The following WBP1L variants were observed in gnomAD, a reference collection of about 807,000 sequenced individuals.
WBP1L encodes WW domain binding protein 1-like.
WBP1L carries 17 observed loss-of-function variants against 33.7 expected under a neutral mutation model. The ratio of observed to expected loss-of-function variants is 0.50; its 90% CI spans 0.34 to 0.76. The LOEUF (loss-of-function observed/expected upper bound fraction) is 0.76, where lower values mean the gene tolerates loss of function less well. WBP1L is among the 30% of genes least tolerant of loss of function. The pLI, the probability that WBP1L is intolerant of heterozygous loss-of-function variation, is 0.01. For synonymous variants in WBP1L, 173 were observed against 190.8 expected, an observed-to-expected ratio of 0.91 and a Z score of 0.77; for missense variants, 389 against 469.4, an observed-to-expected ratio of 0.83 and a Z score of 1.58.
At chr10:102,749,871 G>A (rs952973302) in intron 1 of WBP1L, among the ~76,000 whole-genome samples, 10 of 151,426 alleles carry the variant, frequency 6.6e-5, no homozygotes, top group South Asian at 2.1e-4. Context: ...TCTGACTCCC[G>A]GGTTCAAGGG....
intron 1 of WBP1L, 94 bp downstream of exon 1, chr10:102,744,237 A>G: frequency 1.5e-6 from 2 of 1,355,204 alleles, no homozygotes; most frequent in East Asian, 2.8e-5. Flanking sequence ...CCAAGAGTTG[A>G]GGGGTCCCGA....
chr10:102,776,099 C>G, intron 1 of WBP1L: 1 of 1,298,462 alleles, frequency 7.7e-7, no homozygotes, highest in East Asian at 3.7e-5. Flanking sequence ...TTCTGCTGCG[C>G]CTGAACTGAT....
chr10:102,745,126 G>A (rs775520934), intron 1 of WBP1L, among the ~76,000 whole-genome samples: 1 of 152,162 alleles, frequency 6.6e-6, no homozygotes, highest in Non-Finnish European at 1.5e-5. Context: ...ACACATAGAC[G>A]CATAGCGTAG....
intron 2 of WBP1L, among the ~76,000 whole-genome samples, chr10:102,804,483 A>C (rs912383009): frequency 6.6e-6 from 1 of 151,834 alleles, no homozygotes; most frequent in African/African-American, 2.4e-5. Context: ...GATTCCTTTA[A>C]AAATCTGATG....
chr10:102,769,274 C>G (rs1843155164), intron 1 of WBP1L, among the ~76,000 whole-genome samples: 2 of 152,096 alleles, frequency 1.3e-5, no homozygotes, highest in Admixed American at 1.3e-4. Flanking sequence ...GTGTTCAGCT[C>G]TTGATAAAAT....
chr10:102,801,887 C>G (rs1843661065), intron 2 of WBP1L, among the ~76,000 whole-genome samples: 2 of 132,108 alleles, frequency 1.5e-5, no homozygotes, highest in Admixed American at 7.4e-5. Flanking sequence ...CTCCCTCCTC[C>G]TCTCTCCCCT....
At chr10:102,774,895 C>T (rs1843236685) in intron 1 of WBP1L, among the ~76,000 whole-genome samples, 1 of 152,072 alleles carries the variant, frequency 6.6e-6, no homozygotes, top group Non-Finnish European at 1.5e-5. Flanking sequence ...GGGCAGATCA[C>T]TTGAGCCCAG....
At chr10:102,797,598 G>T (rs571395374) in intron 1 of WBP1L, among the ~76,000 whole-genome samples, 2 of 152,132 alleles carry the variant, frequency 1.3e-5, no homozygotes, top group African/African-American at 2.4e-5. Flanking sequence ...TGTCGCCCAG[G>T]CTGGAGTGCA....
At chr10:102,750,744 G>A (rs1167706003) in intron 1 of WBP1L, among the ~76,000 whole-genome samples, 1 of 151,778 alleles carries the variant, frequency 6.6e-6, no homozygotes, top group Non-Finnish European at 1.5e-5. Flanking sequence ...CTTGTGATCC[G>A]CCCGCCTCAG....
chr10:102,807,131 G>T (rs1161210288), intron 2 of WBP1L, among the ~76,000 whole-genome samples: 11 of 152,018 alleles, frequency 7.2e-5, no homozygotes, highest in Non-Finnish European at 8.8e-5. Flanking sequence ...CATTTGGAAT[G>T]GAAAACAATG....
chr10:102,762,175 C>G (rs1022342971), intron 1 of WBP1L, among the ~76,000 whole-genome samples: 1 of 152,062 alleles, frequency 6.6e-6, no homozygotes, highest in East Asian at 1.9e-4. Flanking sequence ...TCGCACCACT[C>G]CAGCCTGGGT....
At chr10:102,752,201 G>A (rs1440641303) in intron 1 of WBP1L, among the ~76,000 whole-genome samples, 1 of 152,214 alleles carries the variant, frequency 6.6e-6, no homozygotes, top group African/African-American at 2.4e-5. Flanking sequence ...AGCCCCCCAC[G>A]ACAAAGACTT....
At chr10:102,750,555 T>C (rs1252101576) in intron 1 of WBP1L, among the ~76,000 whole-genome samples, 1 of 152,062 alleles carries the variant, frequency 6.6e-6, no homozygotes, top group Non-Finnish European at 1.5e-5. Context: ...AAACGGTGTC[T>C]TGCTCCGTCG....
intron 2 of WBP1L, among the ~76,000 whole-genome samples, chr10:102,800,658 C>T (rs1348464761): frequency 1.3e-5 from 2 of 152,206 alleles, no homozygotes; most frequent in Non-Finnish European, 2.9e-5. Flanking sequence ...GCAAAACGCC[C>T]TTCTCAGGAA....
In WBP1L at chr10:102,744,087, C is replaced by T; in HGVS notation, c.34C>T (p.Leu12Phe). 2 of 1,551,898 alleles carry T rather than the reference C, an allele frequency of 1.3e-6. No homozygotes were observed. The highest frequency in any genetic ancestry group is 1.2e-5 in the South Asian group (1 of 84,030). The change falls in exon 1 of 4, where the codon CTC becomes TTC. Residue 12 changes from leucine (L) to phenylalanine (F), a missense_variant. Physicochemically the swap from Leu to Phe is conservative, Grantham distance 22. Coordinates refer to ENST00000448841, the MANE Select transcript of WBP1L (RefSeq NM_001083913.2). ...ERRRLLGGMA[L>F]LLLQALPSPL... ...GAGAAGGCTCCTGGGTGGCATGGCGCTCCTGCTCCTCCAGGCGCTGCCCAG... is the reference window on the plus strand; with the variant it reads ...GAGAAGGCTCCTGGGTGGCATGGCGTTCCTGCTCCTCCAGGCGCTGCCCAG...
At chr10:102,809,400 C>T (rs948508520) in intron 2 of WBP1L, among the ~76,000 whole-genome samples, 43 of 149,228 alleles carry the variant, frequency 2.9e-4, no homozygotes, top group African/African-American at 9.9e-4. Context: ...GAGACAGAGT[C>T]TTGCTCTGTC....
intron 1 of WBP1L, among the ~76,000 whole-genome samples, chr10:102,760,684 T>C (rs1185036728): frequency 1.3e-5 from 2 of 152,038 alleles, no homozygotes; most frequent in African/African-American, 2.4e-5. Flanking sequence ...CGAGTCTTCC[T>C]TATTTCCATC....
intron 1 of WBP1L, among the ~76,000 whole-genome samples, chr10:102,765,907 T>G (rs1432805094): frequency 6.6e-6 from 1 of 152,198 alleles, no homozygotes; most frequent in Non-Finnish European, 1.5e-5. Flanking sequence ...AGCCTTTTTC[T>G]TGGGTCAGCC....
rs11362638 is a variant in WBP1L at position 102,773,864 on chromosome 10, C to CA, written c.91-24117dup. ...AACCCTATCTCTTAAAAAAACAAAA[C>CA]AAAAAAAAAAAAGGAAGGAAGAAAA... On this transcript the variant is annotated intron_variant, in intron 1 of 3. Coordinates refer to ENST00000448841, the MANE Select transcript of WBP1L (RefSeq NM_001083913.2). 2.1e-3 allele frequency among the ~76,000 whole-genome samples: 292 copies of CA among 142,230 alleles called. 1 individual carries two copies. Among genetic ancestry groups the CA allele is most frequent in the Admixed American group, 3.6e-3 (52 of 14,300 alleles). The allele number at this position is 142,230 out of a possible 152,430, so 93.3% of individuals were successfully genotyped here.
Sources: allele counts gnomAD v4.1 joint callset (sites outside exome capture counted in the v4.1 genomes callset), GRCh38; gene constraint gnomAD v4.1.1; transcripts MANE v1.5; gene names NCBI Gene and HGNC (gene_info 2026-07-23, HGNC 2026-07-21).